The following ZSWIM6 variants were observed in gnomAD, a reference collection of about 807,000 sequenced individuals.
ZSWIM6 encodes zinc finger SWIM domain-containing protein 6.
A neutral mutation model predicts 113.2 loss-of-function variants in ZSWIM6; 9 were observed. The ratio of observed to expected loss-of-function variants is 0.08; its 90% CI spans 0.05 to 0.14. ZSWIM6 has a LOEUF of 0.14. ZSWIM6 is among the 10% of genes least tolerant of loss of function. ZSWIM6 has a pLI of 1.00. For missense variants in ZSWIM6, 1,162 were observed against 1,552.2 expected (o/e 0.75, Z 4.22); for synonymous variants, 611 against 606.5 (o/e 1.01, Z -0.11).
chr5:61,397,462 C>T (rs192424721), intron 1 of ZSWIM6, among the ~76,000 whole-genome samples: 33 of 152,166 alleles, frequency 2.2e-4, no homozygotes, highest in African/African-American at 7.0e-4. Flanking sequence ...TTGGTCTGCA[C>T]GTGCTGTGAA....
At chr5:61,357,880 T>C (rs1409571683) in intron 1 of ZSWIM6, among the ~76,000 whole-genome samples, 1 of 152,056 alleles carries the variant, frequency 6.6e-6, no homozygotes, top group Non-Finnish European at 1.5e-5. Flanking sequence ...AAAAAAAAAA[T>C]TTCCTGTTTA....
chr5:61,530,294 A>G, intron 8 of ZSWIM6, 96 bp downstream of exon 8: 2 of 1,288,542 alleles, frequency 1.6e-6, no homozygotes, highest in South Asian at 3.7e-5. Context: ...TTATGGAACC[A>G]TGTAGTTAAC....
chr5:61,398,912 G>GTT lies in ZSWIM6; in HGVS notation c.676+65991_676+65992dup, dbSNP rs57439648. 2.9e-3 allele frequency among the ~76,000 whole-genome samples: 181 copies of GTT among 61,782 alleles called. 14 individuals are homozygous for GTT. Among genetic ancestry groups the GTT allele is most frequent in the African/African-American group, 8.8e-3 (156 of 17,754 alleles). The allele number at this position is 61,782 out of a possible 152,430, so 40.5% of individuals were successfully genotyped here. On this transcript the variant is annotated intron_variant, in intron 1 of 13. Transcript: ENST00000252744. ...GAAGGAGAGCAAGTTGTGTATAGTT[G>GTT]TTTTTTTTTTTTTTTTTTTTTTTTT... is the stretch of plus-strand genomic sequence containing the variant.
chr5:61,470,926 G>A (rs1747554737), intron 1 of ZSWIM6, among the ~76,000 whole-genome samples: 1 of 152,178 alleles, frequency 6.6e-6, no homozygotes, highest in African/African-American at 2.4e-5. Flanking sequence ...TCTGGCCTGG[G>A]TGGACTCTGC....
At chr5:61,375,351 G>A in intron 1 of ZSWIM6, 1 of 1,602,606 alleles carries the variant, frequency 6.2e-7, no homozygotes, top group Non-Finnish European at 8.5e-7. Flanking sequence ...GAGAGAAATT[G>A]TTAAGTGGAA....
intron 1 of ZSWIM6, among the ~76,000 whole-genome samples, chr5:61,465,119 A>G (rs1747409296): frequency 6.6e-6 from 1 of 152,218 alleles, no homozygotes. Context: ...TTTGTATTAG[A>G]AAAGGTTGGC....
At chr5:61,502,500 T>C (rs545180808) in intron 4 of ZSWIM6, among the ~76,000 whole-genome samples, 1 of 152,284 alleles carries the variant, frequency 6.6e-6, no homozygotes, top group Non-Finnish European at 1.5e-5. Context: ...TTTACCACAT[T>C]ACTACTAGGG....
chr5:61,455,309 G>GATT (rs1747181618), intron 1 of ZSWIM6, among the ~76,000 whole-genome samples: 1 of 152,066 alleles, frequency 6.6e-6, no homozygotes, highest in African/African-American at 2.4e-5. Context: ...TTCCTCTAAT[G>GATT]ATTATTTTCT....
At chr5:61,392,968 T>C (rs903432409) in intron 1 of ZSWIM6, among the ~76,000 whole-genome samples, 3 of 152,072 alleles carry the variant, frequency 2.0e-5, no homozygotes, top group African/African-American at 7.2e-5. Flanking sequence ...TTAATGAATA[T>C]GATCTAAAAT....
chr5:61,530,305 A>G, intron 8 of ZSWIM6, 107 bp downstream of exon 8: 5 of 1,183,552 alleles, frequency 4.2e-6, no homozygotes, highest in Non-Finnish European at 5.7e-6. Flanking sequence ...TGTAGTTAAC[A>G]GCACCTTTGG....
intron 1 of ZSWIM6, among the ~76,000 whole-genome samples, chr5:61,333,472 G>A (rs1377668044): frequency 6.6e-6 from 1 of 151,998 alleles, no homozygotes; most frequent in African/African-American, 2.4e-5. Flanking sequence ...GCGATTTGAG[G>A]GGAGGGGAAT....
At chr5:61,496,805 T>C (rs1279124962) in intron 4 of ZSWIM6, among the ~76,000 whole-genome samples, 2 of 152,162 alleles carry the variant, frequency 1.3e-5, no homozygotes, top group Non-Finnish European at 2.9e-5. Context: ...CCCATTTGCC[T>C]TTTACTGCAA....
chr5:61,513,763 A>G (rs1370464282), intron 4 of ZSWIM6, among the ~76,000 whole-genome samples: 3 of 152,032 alleles, frequency 2.0e-5, no homozygotes, highest in Non-Finnish European at 4.4e-5. Context: ...TGAACCTTGA[A>G]TTGACTATAT....
intron 1 of ZSWIM6, among the ~76,000 whole-genome samples, chr5:61,404,806 A>G (rs1282177996): frequency 2.6e-5 from 4 of 152,018 alleles, no homozygotes; most frequent in Admixed American, 2.6e-4. Context: ...GGTTGTTTTT[A>G]TAAAATAGAG....
intron 1 of ZSWIM6, among the ~76,000 whole-genome samples, chr5:61,471,452 G>A (rs1747569619): frequency 6.6e-6 from 1 of 152,178 alleles, no homozygotes; most frequent in Non-Finnish European, 1.5e-5. Flanking sequence ...CACTGGTGGT[G>A]GAAGGCAGTT....
At chr5:61,387,986 C>CT (rs576895905) in intron 1 of ZSWIM6, among the ~76,000 whole-genome samples, 5,888 of 130,726 alleles carry the variant, frequency 0.045, 529 homozygotes, top group African/African-American at 0.16. Flanking sequence ...CTCTCTCTCT[C>CT]TTTTTTTTTT....
chr5:61,502,425 T>G (rs1465563897), intron 4 of ZSWIM6, among the ~76,000 whole-genome samples: 1 of 152,136 alleles, frequency 6.6e-6, no homozygotes, highest in East Asian at 1.9e-4. Flanking sequence ...CCCCTAGGTT[T>G]GGGGTCAGGG....
chr5:61,537,407 T>G (rs935051150), intron 10 of ZSWIM6, among the ~76,000 whole-genome samples: 1 of 152,176 alleles, frequency 6.6e-6, no homozygotes, highest in Non-Finnish European at 1.5e-5. Flanking sequence ...AAAAGAGAGA[T>G]GTAGCTCGCA....
chr5:61,431,234 G>T (rs1042092393), intron 1 of ZSWIM6, among the ~76,000 whole-genome samples: 1 of 151,794 alleles, frequency 6.6e-6, no homozygotes, highest in African/African-American at 2.4e-5. Context: ...TTAGCCAGGG[G>T]TGGTGGTACG....
Sources: gnomAD v4.1 joint callset for allele counts (sites outside exome capture counted in the v4.1 genomes callset) on GRCh38, gnomAD v4.1.1 for gene constraint, MANE v1.5 for transcripts, NCBI Gene and HGNC (gene_info 2026-07-23, HGNC 2026-07-21) for gene names.